SHISA9: variants seen among roughly 807,000 people sequenced by gnomAD.
SHISA9 encodes shisa family member 9, also known as protein shisa-9.
Under a neutral mutation model 38.0 loss-of-function variants are expected in SHISA9, and 13 were observed. The ratio of observed to expected loss-of-function variants is 0.34; its 90% confidence interval spans 0.22 to 0.54. SHISA9 has a LOEUF of 0.54. SHISA9 is among the 20% of genes least tolerant of loss of function. The pLI, the probability that SHISA9 is intolerant of heterozygous loss-of-function variation, is 0.91. For synonymous variants in SHISA9, 275 were observed against 242.0 expected (o/e 1.14, Z -1.27); for missense variants, 538 against 575.8 (o/e 0.93, Z 0.67).
the SHISA9 span, among the ~76,000 whole-genome samples, chr16:13,288,968 G>A: frequency 6.6e-6 from 1 of 152,112 alleles, no homozygotes; most frequent in Non-Finnish European, 1.5e-5. Context: ...AATGAGTGAG[G>A]CTTCAATATA....
At chr16:13,474,175 C>G in the SHISA9 span, 5 of 152,158 alleles carry the variant, frequency 3.3e-5, no homozygotes, top group Non-Finnish European at 5.9e-5. Flanking sequence ...TGAGCATAAT[C>G]TTGACTTACA....
chr16:13,277,297 A>T, the SHISA9 span, among the ~76,000 whole-genome samples: 14 of 152,096 alleles, frequency 9.2e-5, no homozygotes, highest in African/African-American at 3.4e-4. Flanking sequence ...TACCAGTACC[A>T]TGCTGTTTAG....
chr16:13,416,313 A>G, the SHISA9 span, among the ~76,000 whole-genome samples: 1 of 152,170 alleles, frequency 6.6e-6, no homozygotes, highest in Non-Finnish European at 1.5e-5. Context: ...AAGTATACAC[A>G]ATTGTTACCC....
At chr16:13,374,092 T>A in the SHISA9 span, among the ~76,000 whole-genome samples, 3 of 152,214 alleles carry the variant, frequency 2.0e-5, no homozygotes, top group Non-Finnish European at 2.9e-5. Context: ...AGCAAGTAAC[T>A]CTCATCACGT....
intron 2 of SHISA9, among the ~76,000 whole-genome samples, chr16:13,023,162 C>A (rs1315858873): frequency 6.6e-6 from 1 of 152,198 alleles, no homozygotes; most frequent in Non-Finnish European, 1.5e-5. Flanking sequence ...AATGCTATCC[C>A]TCCCCAAGTC....
chr16:13,147,047 G>T (rs2050453589), intron 2 of SHISA9, among the ~76,000 whole-genome samples: 1 of 152,138 alleles, frequency 6.6e-6, no homozygotes, highest in African/African-American at 2.4e-5. Context: ...AGTGAGTATA[G>T]TATAATGTGT....
the SHISA9 span, among the ~76,000 whole-genome samples, chr16:13,477,160 T>TA: frequency 6.6e-6 from 1 of 152,100 alleles, no homozygotes; most frequent in South Asian, 2.1e-4. Flanking sequence ...GCTGGAGAAA[T>TA]AAAAAATGAG....
In SHISA9 at chr16:13,236,913, G is replaced by C. The variant is rs940668977; in HGVS notation, c.*1504G>C. 1 of 152,118 alleles carries C rather than the reference G, an allele frequency of 6.6e-6. No individual in the cohort carries two copies. The highest frequency in any genetic ancestry group is 6.5e-5 in the Admixed American group (1 of 15,268). 9.4% of individuals were successfully genotyped at this position (152,118 alleles called of 1,614,324 possible). The stretch of plus-strand genomic sequence containing the variant: ...AGAATGTCCTGAGGTTGTTTTTCTG[G>C]TTGGTTCTCATAATCCATAGTCCTT... On this transcript the variant is annotated 3_prime_UTR_variant, in exon 5 of 5. Transcript: ENST00000558583.
chr16:13,263,274 GT>G, the SHISA9 span, among the ~76,000 whole-genome samples: 4 of 152,138 alleles, frequency 2.6e-5, no homozygotes, highest in Non-Finnish European at 4.4e-5. Context: ...CAGTGATATG[GT>G]TTGGGTCTGT....
intron 2 of SHISA9, among the ~76,000 whole-genome samples, chr16:13,040,002 A>G (rs2073115944): frequency 6.6e-6 from 1 of 152,040 alleles, no homozygotes; most frequent in Admixed American, 6.5e-5. Flanking sequence ...CATTTCTTAC[A>G]CTTTCTGGCA....
At chr16:13,319,444 G>A in the SHISA9 span, among the ~76,000 whole-genome samples, 9 of 152,204 alleles carry the variant, frequency 5.9e-5, no homozygotes, top group South Asian at 2.1e-4. Context: ...GTGACACTAC[G>A]AGGTAAACCC....
intron 4 of SHISA9, among the ~76,000 whole-genome samples, chr16:13,228,311 T>C (rs146597896): frequency 5.6e-4 from 85 of 152,350 alleles, no homozygotes; most frequent in Non-Finnish European, 1.1e-3. Flanking sequence ...GGATTCTCCA[T>C]GTGGGACTCA....
the SHISA9 span, among the ~76,000 whole-genome samples, chr16:13,341,511 G>A: frequency 2.0e-5 from 3 of 152,128 alleles, no homozygotes; most frequent in Non-Finnish European, 2.9e-5. Flanking sequence ...CAGAGGCAAT[G>A]ATGATGACCA....
the SHISA9 span, among the ~76,000 whole-genome samples, chr16:13,389,067 C>T: frequency 6.6e-6 from 1 of 152,172 alleles, no homozygotes; most frequent in African/African-American, 2.4e-5. Context: ...AATTGATGAA[C>T]CTACATTGAC....
chr16:13,109,831 C>G (rs551101523), intron 2 of SHISA9, among the ~76,000 whole-genome samples: 2 of 152,198 alleles, frequency 1.3e-5, no homozygotes, highest in Non-Finnish European at 2.9e-5. Flanking sequence ...CCTGTCTTAG[C>G]AGGTATAAAT....
the SHISA9 span, among the ~76,000 whole-genome samples, chr16:13,261,594 A>G: frequency 6.6e-6 from 1 of 152,210 alleles, no homozygotes; most frequent in East Asian, 1.9e-4. Context: ...GGGGCATCCA[A>G]ATCCTTGCAG....
the SHISA9 span, among the ~76,000 whole-genome samples, chr16:13,356,874 C>T: frequency 6.6e-6 from 1 of 152,122 alleles, no homozygotes; most frequent in African/African-American, 2.4e-5. Flanking sequence ...ATTCAAAGTG[C>T]CATTTTCTGG....
chr16:13,321,672 G>C, the SHISA9 span, among the ~76,000 whole-genome samples: 1 of 152,234 alleles, frequency 6.6e-6, no homozygotes, highest in Non-Finnish European at 1.5e-5. Context: ...CTTTTTCCTT[G>C]TGTGTTCAGG....
chr16:13,213,508 T>A (rs1259842273), intron 4 of SHISA9, among the ~76,000 whole-genome samples: 2 of 152,126 alleles, frequency 1.3e-5, no homozygotes, highest in Middle Eastern at 3.2e-3. Flanking sequence ...TTGGACAACG[T>A]GGTAGCCCTC....
Sources: allele counts gnomAD v4.1 joint callset (sites outside exome capture counted in the v4.1 genomes callset), GRCh38; gene constraint gnomAD v4.1.1; transcripts MANE v1.5; gene names NCBI Gene and HGNC (gene_info 2026-07-23, HGNC 2026-07-21).